PDE4B: variants seen among roughly 807,000 people sequenced by gnomAD.
The protein encoded by PDE4B is phosphodiesterase 4B, also known as 3',5'-cyclic-AMP phosphodiesterase 4B.
A neutral mutation model predicts 82.2 loss-of-function variants in PDE4B; 20 were observed. That is an observed-to-expected ratio of 0.24 (90% CI 0.17 to 0.35). PDE4B has a LOEUF of 0.35. Ranked by LOEUF, PDE4B falls within the 10% of genes least tolerant of loss-of-function variation. The pLI is 1.00. For missense variants in PDE4B, 655 were observed against 907.2 expected, an observed-to-expected ratio of 0.72 and a Z score of 3.57; for synonymous variants, 320 against 318.9, an observed-to-expected ratio of 1.00 and a Z score of -0.04.
At chr1:66,286,063 C>G (rs1015118748) in intron 7 of PDE4B, among the ~76,000 whole-genome samples, 3 of 152,162 alleles carry the variant, frequency 2.0e-5, no homozygotes, top group Admixed American at 2.0e-4. Context: ...CCAAACCCAG[C>G]TAGAAGGTTA....
At chr1:65,837,547 G>C (rs1408246427) in intron 1 of PDE4B, among the ~76,000 whole-genome samples, 1 of 152,210 alleles carries the variant, frequency 6.6e-6, no homozygotes, top group Non-Finnish European at 1.5e-5. Context: ...GGTGGAGGTT[G>C]CCGTGAGTCT....
chr1:66,196,429 C>T (rs1648302213), intron 3 of PDE4B, among the ~76,000 whole-genome samples: 1 of 152,198 alleles, frequency 6.6e-6, no homozygotes, highest in African/African-American at 2.4e-5. Flanking sequence ...GTTCAGGCTC[C>T]ATCTTGTTTT....
At chr1:66,064,746 G>A (rs1000219728) in intron 3 of PDE4B, among the ~76,000 whole-genome samples, 1 of 151,824 alleles carries the variant, frequency 6.6e-6, no homozygotes, top group Non-Finnish European at 1.5e-5. Flanking sequence ...ATCTTTATTA[G>A]AATGCTATAT....
At chr1:65,852,408 A>C (rs1004849818) in intron 1 of PDE4B, among the ~76,000 whole-genome samples, 1 of 147,550 alleles carries the variant, frequency 6.8e-6, no homozygotes, top group Non-Finnish European at 1.5e-5. Context: ...AGGAGTATTC[A>C]TAATGTTTTC....
intron 1 of PDE4B, among the ~76,000 whole-genome samples, chr1:65,806,383 C>T (rs924244117): frequency 6.6e-6 from 1 of 152,106 alleles, no homozygotes; most frequent in East Asian, 1.9e-4. Flanking sequence ...TTTCTAATCA[C>T]TTACACAATT....
At chr1:65,867,367 C>T (rs1359858350) in intron 1 of PDE4B, among the ~76,000 whole-genome samples, 1 of 151,956 alleles carries the variant, frequency 6.6e-6, no homozygotes, top group Non-Finnish European at 1.5e-5. Flanking sequence ...ATTAGGTGTC[C>T]CTAACAATCT....
intron 8 of PDE4B, among the ~76,000 whole-genome samples, chr1:66,353,239 A>G (rs987808946): frequency 1.3e-5 from 2 of 152,042 alleles, no homozygotes; most frequent in Admixed American, 1.3e-4. Context: ...ATGCCTGGTT[A>G]CAAACATATT....
chr1:66,344,081 G>T (rs1331025930), intron 8 of PDE4B, among the ~76,000 whole-genome samples: 2 of 152,174 alleles, frequency 1.3e-5, no homozygotes, highest in Admixed American at 6.5e-5. Flanking sequence ...CAAGCTGAAA[G>T]GACACAGTGC....
chr1:65,966,579 C>T (rs1233520540), intron 3 of PDE4B, among the ~76,000 whole-genome samples: 4 of 152,056 alleles, frequency 2.6e-5, no homozygotes, highest in Admixed American at 2.0e-4. Context: ...AAAAAGAGCT[C>T]GTATAGCCAA....
At chr1:65,964,637 T>G (rs965175763) in intron 3 of PDE4B, among the ~76,000 whole-genome samples, 1 of 152,190 alleles carries the variant, frequency 6.6e-6, no homozygotes, top group Non-Finnish European at 1.5e-5. Context: ...ATTATTTAAA[T>G]TTTGAAAAAG....
intron 3 of PDE4B, among the ~76,000 whole-genome samples, chr1:65,952,537 G>T (rs1339528307): frequency 1.3e-5 from 2 of 151,932 alleles, no homozygotes; most frequent in African/African-American, 4.8e-5. Context: ...ACAAAAATTA[G>T]CCAGGCATGG....
rs12033369 is a variant in PDE4B at position 65,903,520 on chromosome 1, C to T, written c.-70-9725C>T. Among the ~76,000 whole-genome samples the T allele has an allele frequency of 2.3e-4, 35 of 151,714 alleles. No homozygotes were observed. The East Asian group carries it at 4.5e-3, about 19-fold the overall frequency. On this transcript the variant is annotated intron_variant, in intron 1 of 16. Coordinates refer to ENST00000341517, the MANE Select transcript of PDE4B (RefSeq NM_002600.4). ...GATGTCGGAGAATCTGTTGAGCCCA[C>T]GAGGTTGAGGCTGCAGTGAGCCATG...
intron 1 of PDE4B, among the ~76,000 whole-genome samples, chr1:65,850,805 T>G (rs973192118): frequency 6.6e-6 from 1 of 152,246 alleles, no homozygotes; most frequent in Non-Finnish European, 1.5e-5. Flanking sequence ...GAGCAGAATT[T>G]TAAAAACTTG....
In PDE4B at chr1:66,068,452, G is replaced by T. The variant is rs541697379; in HGVS notation, c.281+149617G>T. ...ACATCACATTTTTAAAAATCAAAATGCAGTGAACCCCTACCCATTTAAAAA... is the reference window on the plus strand; with the variant it reads ...ACATCACATTTTTAAAAATCAAAATTCAGTGAACCCCTACCCATTTAAAAA... On this transcript the variant is annotated intron_variant, in intron 3 of 16. Transcript: ENST00000341517. 7.9e-5 allele frequency among the ~76,000 whole-genome samples: 12 copies of T among 151,982 alleles called. 4 individuals carry two copies. The highest frequency in any genetic ancestry group is 2.9e-4 in the African/African-American group (12 of 41,514).
chr1:66,345,888 G>T (rs1661358972), intron 8 of PDE4B, among the ~76,000 whole-genome samples: 1 of 152,198 alleles, frequency 6.6e-6, no homozygotes, highest in South Asian at 2.1e-4. Context: ...AAAGAACAAA[G>T]TTGTCAGGGA....
chr1:66,069,532 T>C (rs1656043625), intron 3 of PDE4B, among the ~76,000 whole-genome samples: 1 of 152,042 alleles, frequency 6.6e-6, no homozygotes, highest in Admixed American at 6.6e-5. Flanking sequence ...ATTTTCTAGA[T>C]TTATGGCTCT....
chr1:65,817,913 A>T (rs1464617036), intron 1 of PDE4B, among the ~76,000 whole-genome samples: 1 of 152,198 alleles, frequency 6.6e-6, no homozygotes, highest in African/African-American at 2.4e-5. Flanking sequence ...TTCTTAAAAA[A>T]TTAACACCTC....
intron 12 of PDE4B, 96 bp downstream of exon 12, chr1:66,363,667 C>T: frequency 2.1e-6 from 2 of 963,984 alleles, no homozygotes; most frequent in Non-Finnish European, 3.1e-6. Context: ...GTCCTAGCTA[C>T]TCGGGAGGCT....
intron 7 of PDE4B, among the ~76,000 whole-genome samples, chr1:66,292,379 A>G (rs1258667317): frequency 6.6e-6 from 1 of 152,206 alleles, no homozygotes; most frequent in African/African-American, 2.4e-5. Context: ...GCAACCCAAG[A>G]TCTCATAGCT....
Sources: allele counts gnomAD v4.1 joint callset (sites outside exome capture counted in the v4.1 genomes callset), GRCh38; gene constraint gnomAD v4.1.1; transcripts MANE v1.5; gene names NCBI Gene and HGNC (gene_info 2026-07-23, HGNC 2026-07-21).